Variants in VDAC3 observed in about 807,000 individuals in gnomAD.
The protein encoded by VDAC3 is non-selective voltage-gated ion channel VDAC3.
VDAC3 carries 7 observed loss-of-function variants against 33.9 expected under a neutral mutation model. The observed-to-expected ratio is 0.21, with a 90% confidence interval of 0.12 to 0.39. The LOEUF is 0.39. Ranked by LOEUF, VDAC3 falls within the 10% of genes least tolerant of loss-of-function variation. VDAC3 has a pLI of 1.00. For missense variants in VDAC3, 261 were observed against 334.5 expected, an observed-to-expected ratio of 0.78 and a Z score of 1.71; for synonymous variants, 100 against 122.4, an observed-to-expected ratio of 0.82 and a Z score of 1.21.
At chr8:42,401,703 G>A in intron 6 of VDAC3, 85 bp from the exon 7 acceptor site, 1 of 1,201,770 alleles carries the variant, frequency 8.3e-7, no homozygotes, top group Admixed American at 1.9e-5. Flanking sequence ...AGATGAGAGA[G>A]AGGATCTTAC....
At chr8:42,403,965 C>G (rs1400179811) in intron 8 of VDAC3, among the ~76,000 whole-genome samples, 1 of 151,734 alleles carries the variant, frequency 6.6e-6, no homozygotes, top group South Asian at 2.1e-4. Flanking sequence ...GTTGTCTGAC[C>G]TTGTCATTTT....
At chr8:42,404,152 G>C (rs1196379810) in intron 8 of VDAC3, among the ~76,000 whole-genome samples, 2 of 152,150 alleles carry the variant, frequency 1.3e-5, no homozygotes, top group Non-Finnish European at 2.9e-5. Flanking sequence ...GTGGCGATTA[G>C]TGTTATCCTC....
chr8:42,405,791 A>C lies in VDAC3; in HGVS notation c.*329A>C. 4.5e-6 allele frequency: 1 copy of C among 220,330 alleles called. No individual in the cohort carries two copies. The allele number at this position is 220,330 out of a possible 1,614,324, so 13.6% of individuals were successfully genotyped here. A position where few individuals can be genotyped will look rare whatever the true frequency, so the allele number is the denominator to read the frequency against. ...TTGTACATCACGTCCTGCATGTCCC[A>C]CACCATTTTTTCATGACCTTGTAAT... On this transcript the variant is annotated 3_prime_UTR_variant, in exon 10 of 10. Transcript: ENST00000022615.
intron 7 of VDAC3, among the ~76,000 whole-genome samples, chr8:42,402,637 A>G (rs761628808): frequency 3.9e-5 from 6 of 152,238 alleles, no homozygotes; most frequent in Non-Finnish European, 8.8e-5. Flanking sequence ...AAGAAAAAGC[A>G]AAGGGCAAAC....
intron 8 of VDAC3, 29 bp downstream of exon 8, chr8:42,403,490 C>T: frequency 6.6e-7 from 1 of 1,524,966 alleles, no homozygotes; most frequent in Non-Finnish European, 8.8e-7. Context: ...ATTGGATCTG[C>T]TCTTATGTTT....
chr8:42,401,270 C>T (rs1442454878), intron 6 of VDAC3, among the ~76,000 whole-genome samples: 2 of 152,082 alleles, frequency 1.3e-5, no homozygotes, highest in South Asian at 2.1e-4. Flanking sequence ...GATCTTGGCT[C>T]ACTGCAACCT....
intron 4 of VDAC3, among the ~76,000 whole-genome samples, chr8:42,396,084 C>T (rs929839401): frequency 1.4e-4 from 22 of 151,940 alleles, no homozygotes; most frequent in Admixed American, 6.6e-4. Context: ...GGTGAAACCC[C>T]GTCTCTACTA....
In VDAC3 at chr8:42,401,946, A is replaced by C. The variant is rs1414744629; in HGVS notation, c.482A>C (p.Lys161Thr). 1 of 1,614,246 alleles carries C rather than the reference A, an allele frequency of 6.2e-7. No individual in the cohort carries two copies. Among genetic ancestry groups the C allele is most frequent in the East Asian group, 2.2e-5 (1 of 44,892 alleles). ...TATCAGATGAGTTTTGACACAGCCA[A>C]ATCCAAACTGTCACAGAATAATTTC... ...AGYQMSFDTA[K>T]SKLSQNNFAL... Residue 161 changes from lysine to threonine, a missense_variant, in exon 7 of 10, where the codon AAA becomes ACA. Transcript: ENST00000022615.
intron 5 of VDAC3, among the ~76,000 whole-genome samples, chr8:42,399,163 T>A (rs1352633203): frequency 6.6e-6 from 1 of 152,120 alleles, no homozygotes; most frequent in African/African-American, 2.4e-5. Context: ...GTTGAAAAAT[T>A]GGCTTGACAG....
chr8:42,402,178 C>T (rs1437372860), intron 7 of VDAC3, 163 bp downstream of exon 7: 14 of 767,554 alleles, frequency 1.8e-5, no homozygotes, highest in South Asian at 3.5e-5. Flanking sequence ...GGCTGGTGCA[C>T]GTGGTGTGCA....
At chr8:42,403,515 A>G in intron 8 of VDAC3, 54 bp downstream of exon 8, 1 of 1,495,276 alleles carries the variant, frequency 6.7e-7, no homozygotes, top group South Asian at 1.4e-5. Flanking sequence ...CTAAGTTTTC[A>G]GAGAATGTTG....
At chr8:42,396,462 C>T (rs750282144) in intron 4 of VDAC3, among the ~76,000 whole-genome samples, 14 of 151,976 alleles carry the variant, frequency 9.2e-5, no homozygotes, top group Non-Finnish European at 1.6e-4. Context: ...GGTTTGTGAC[C>T]ATCATTCTTT....
intron 6 of VDAC3, 61 bp from the exon 7 acceptor site, chr8:42,401,727 A>G: frequency 1.3e-6 from 2 of 1,497,670 alleles, no homozygotes; most frequent in Non-Finnish European, 1.9e-6. Context: ...AAAAATTCCT[A>G]GACAGTAGTA....
At position 42,400,219 on chromosome 8, in the gene VDAC3, T is replaced by C. The variant is rs1179557554; in HGVS notation, c.323+516T>C. ...CAGGCATGGTGGTGGGCGCCTGTAGTCCCAGCTACTCAGGAGGCTGAGGCA... is the reference window on the plus strand; with the variant it reads ...CAGGCATGGTGGTGGGCGCCTGTAGCCCCAGCTACTCAGGAGGCTGAGGCA... On this transcript the variant is annotated intron_variant, in intron 6 of 9. Coordinates refer to ENST00000022615, the MANE Select transcript of VDAC3 (RefSeq NM_005662.7). Among the ~76,000 whole-genome samples the C allele has an allele frequency of 2.6e-5, 4 of 151,044 alleles. No individual in the cohort carries two copies. In the South Asian group the frequency reaches 6.3e-4, roughly 24 times the overall value.
rs140582988 is a variant in VDAC3 at position 42,402,528 on chromosome 8, G to A, written c.551+513G>A. On this transcript the variant is annotated intron_variant, in intron 7 of 9. Transcript: ENST00000022615. ...GTAACAGGTGCTCTGAAAGAGTCCT[G>A]GGATTCAGTTATGTAGGCTGCACCA... 5.1e-3 allele frequency among the ~76,000 whole-genome samples: 776 copies of A among 152,264 alleles called. 6 individuals are homozygous for A. Among genetic ancestry groups the A allele is most frequent in the African/African-American group, 0.017 (697 of 41,526 alleles).
Position 42,405,697 on chromosome 8 carries a change from A to G in VDAC3, c.*235A>G. ...GTGCCACGTTTCAGTTCAGTTCTGAAGTGTTATTAAATGTGTTCCTCAGCG... is the reference window on the plus strand; with the variant it reads ...GTGCCACGTTTCAGTTCAGTTCTGAGGTGTTATTAAATGTGTTCCTCAGCG... On this transcript the variant is annotated 3_prime_UTR_variant, in exon 10 of 10. Coordinates refer to ENST00000022615, the MANE Select transcript of VDAC3 (RefSeq NM_005662.7). The G allele has an allele frequency of 2.2e-6, 1 of 463,100 alleles. No homozygotes were observed. Among genetic ancestry groups the G allele is most frequent in the Non-Finnish European group, 3.9e-6 (1 of 254,972 alleles). 28.7% of individuals were successfully genotyped at this position (463,100 alleles called of 1,614,324 possible).
chr8:42,396,047 G>A (rs1802306525), intron 4 of VDAC3, among the ~76,000 whole-genome samples: 1 of 151,730 alleles, frequency 6.6e-6, no homozygotes, highest in African/African-American at 2.4e-5. Context: ...CACGAGGTCA[G>A]GAGATTGAGA....
At chr8:42,396,661 TG>T in intron 4 of VDAC3, 1 of 695,726 alleles carries the variant, frequency 1.4e-6, no homozygotes, top group Non-Finnish European at 2.6e-6. Context: ...TGCTGTTGTG[TG>T]GTAATATTCA....
intron 4 of VDAC3, chr8:42,396,576 G>T: frequency 1.5e-6 from 1 of 663,064 alleles, no homozygotes. Flanking sequence ...TTCTCATTTT[G>T]TGTAGGTTCC....
Sources: allele counts gnomAD v4.1 joint callset (sites outside exome capture counted in the v4.1 genomes callset), GRCh38; gene constraint gnomAD v4.1.1; transcripts MANE v1.5; gene names NCBI Gene and HGNC (gene_info 2026-07-23, HGNC 2026-07-21).